Variants in CTNNA1 observed in about 807,000 individuals in gnomAD.
CTNNA1 encodes the protein catenin alpha-1.
In CTNNA1, 37 loss-of-function variants were observed where a neutral mutation model predicts 98.4. The observed-to-expected ratio is 0.38, with a 90% CI of 0.29 to 0.49. The LOEUF (loss-of-function observed/expected upper bound fraction) is 0.49. Ranked by LOEUF, CTNNA1 falls within the 20% of genes least tolerant of loss-of-function variation. CTNNA1 has a pLI of 0.95. For missense variants in CTNNA1, 761 were observed against 1,147.2 expected (o/e 0.66, Z 4.86); for synonymous variants, 404 against 413.2 (o/e 0.98, Z 0.27).
intron 11 of CTNNA1, 98 bp downstream of exon 11, chr5:138,917,996 A>C: frequency 8.3e-7 from 1 of 1,204,736 alleles, no homozygotes; most frequent in South Asian, 1.4e-5. Context: ...CTTGGCAGGT[A>C]AATTATTCTA....
At chr5:138,932,990 G>A (rs779532115) in intron 17 of CTNNA1, 46 of 765,498 alleles carry the variant, frequency 6.0e-5, no homozygotes, top group South Asian at 1.5e-4. Context: ...CCTTGGGACC[G>A]GGCGTGGTGG....
intron 9 of CTNNA1, among the ~76,000 whole-genome samples, chr5:138,902,190 C>G (rs1758182254): frequency 6.6e-6 from 1 of 152,244 alleles, no homozygotes. Context: ...TAGCCACACA[C>G]TACCCTCATG....
intron 1 of CTNNA1, among the ~76,000 whole-genome samples, chr5:138,755,680 T>G (rs984508163): frequency 1.3e-5 from 2 of 151,988 alleles, no homozygotes; most frequent in African/African-American, 4.8e-5. Context: ...TGAGTGCAGG[T>G]GTGTCTCCTG....
chr5:138,869,199 G>T (rs946333267), intron 7 of CTNNA1: 1 of 148,792 alleles, frequency 6.7e-6, no homozygotes, highest in Non-Finnish European at 1.5e-5. Context: ...AACCGCTAAG[G>T]ACAAAAATGT....
At chr5:138,817,193 G>T (rs571087971) in intron 5 of CTNNA1, among the ~76,000 whole-genome samples, 1 of 152,060 alleles carries the variant, frequency 6.6e-6, no homozygotes. Flanking sequence ...ATATAATTCC[G>T]TTTGTCTGTT....
Position 138,812,243 on chromosome 5 carries a change from T to G in CTNNA1, c.529T>G (p.Tyr177Asp). 1 of 1,613,756 alleles carries G rather than the reference T, an allele frequency of 6.2e-7. No individual in the cohort carries two copies. The change falls in exon 5 of 18, where the codon TAT becomes GAT. Residue 177 changes from tyrosine (Y) to aspartate (D), a missense_variant. Around this residue, in one of 6 missense-constraint regions of CTNNA1, gnomAD observed 328 missense variants for 354.3 expected, o/e 0.93. Transcript: ENST00000302763. The part of the protein sequence containing the change: ...AGNEQDLGIQ[Y>D]KALKPEVDKL... ...CAATGAACAAGACTTAGGAATCCAG[T>G]ATAAAGCCCTAAAACCTGAAGTGGA...
intron 1 of CTNNA1, among the ~76,000 whole-genome samples, chr5:138,775,822 A>G (rs1754068615): frequency 7.1e-6 from 1 of 140,996 alleles, no homozygotes; most frequent in Non-Finnish European, 1.5e-5. Context: ...TCCCAGGTTC[A>G]TGCCATTCTC....
intron 1 of CTNNA1, among the ~76,000 whole-genome samples, chr5:138,765,309 A>G (rs2940594): frequency 0.69 from 104,864 of 151,570 alleles, 36,364 homozygotes; most frequent in East Asian, 0.93. Context: ...CCAGAGTGCT[A>G]GGATTACAGG....
intron 7 of CTNNA1, among the ~76,000 whole-genome samples, chr5:138,829,919 C>A (rs1478977943): frequency 6.6e-6 from 1 of 152,068 alleles, no homozygotes; most frequent in Non-Finnish European, 1.5e-5. Flanking sequence ...GTAATCCCAG[C>A]ACTTTGGGAG....
At chr5:138,754,632 GTTAC>G (rs1245190163) in intron 1 of CTNNA1, 1 of 152,190 alleles carries the variant, frequency 6.6e-6, no homozygotes, top group East Asian at 1.9e-4. Context: ...ACAGGTGGGT[GTTAC>G]TTTAAGGAAC....
chr5:138,785,843 C>T (rs963383842), intron 3 of CTNNA1, among the ~76,000 whole-genome samples: 2 of 152,210 alleles, frequency 1.3e-5, no homozygotes, highest in Non-Finnish European at 2.9e-5. Flanking sequence ...ATCTGCTCGC[C>T]TTGGCCTCCC....
At chr5:138,861,487 G>T (rs562191931) in intron 7 of CTNNA1, among the ~76,000 whole-genome samples, 14 of 152,174 alleles carry the variant, frequency 9.2e-5, no homozygotes, top group Non-Finnish European at 1.3e-4. Flanking sequence ...GGAATCCCAA[G>T]AAAACTGGAA....
intron 7 of CTNNA1, among the ~76,000 whole-genome samples, chr5:138,837,653 T>C (rs1561578552): frequency 6.6e-6 from 1 of 151,098 alleles, no homozygotes; most frequent in Non-Finnish European, 1.5e-5. Flanking sequence ...CAGGGTCTTA[T>C]TCTGCCACCC....
chr5:138,888,195 T>A (rs1020926387), intron 9 of CTNNA1, among the ~76,000 whole-genome samples: 21 of 152,318 alleles, frequency 1.4e-4, no homozygotes, highest in Non-Finnish European at 2.6e-4. Context: ...ATTAGTTACA[T>A]TTGCTTGGTA....
At chr5:138,767,325 C>T (rs575286857) in intron 1 of CTNNA1, among the ~76,000 whole-genome samples, 48 of 152,300 alleles carry the variant, frequency 3.2e-4, no homozygotes, top group African/African-American at 1.1e-3. Flanking sequence ...CATGAGCCAC[C>T]GCGCCAGGCT....
At chr5:138,898,440 A>G (rs1757369918) in intron 9 of CTNNA1, among the ~76,000 whole-genome samples, 1 of 152,114 alleles carries the variant, frequency 6.6e-6, no homozygotes, top group Admixed American at 6.5e-5. Context: ...TACCTTTGCT[A>G]GCTTTACTTA....
At chr5:138,931,189 C>A (rs1056971604) in intron 16 of CTNNA1, 3 of 457,444 alleles carry the variant, frequency 6.6e-6, no homozygotes, top group Non-Finnish European at 1.2e-5. Flanking sequence ...CTCTCTCCCC[C>A]TCTGGGCAGG....
At chr5:138,895,064 A>G (rs973095360) in intron 9 of CTNNA1, among the ~76,000 whole-genome samples, 1 of 152,254 alleles carries the variant, frequency 6.6e-6, no homozygotes, top group East Asian at 1.9e-4. Context: ...CCCCCACCCC[A>G]TACTCCAAAA....
At chr5:138,848,465 C>T (rs879814482) in intron 7 of CTNNA1, among the ~76,000 whole-genome samples, 1 of 151,980 alleles carries the variant, frequency 6.6e-6, no homozygotes, top group Non-Finnish European at 1.5e-5. Context: ...TTATCATTCT[C>T]CTCCAAGAGC....
Sources: gnomAD v4.1 joint callset for allele counts (sites outside exome capture counted in the v4.1 genomes callset) on GRCh38, gnomAD v4.1.1 for gene constraint, gnomAD v4.1.1 regional missense constraint, MANE v1.5 for transcripts, NCBI Gene and HGNC (gene_info 2026-07-23, HGNC 2026-07-21) for gene names.